Variants in STK10 observed in about 807,000 individuals in gnomAD.
The protein encoded by STK10 is serine/threonine kinase 10.
A neutral mutation model predicts 113.8 loss-of-function variants in STK10; 78 were observed. The ratio of observed to expected loss-of-function variants is 0.69; its 90% CI spans 0.57 to 0.83. The LOEUF (loss-of-function observed/expected upper bound fraction) is 0.83. Among genes scored for constraint, STK10 ranks in the 40% least tolerant of loss-of-function variants. The probability of loss-of-function intolerance (pLI) is 0.00; values close to 1 mark genes in which losing one functional copy is unlikely to be tolerated. For synonymous variants in STK10, 465 were observed against 494.7 expected (o/e 0.94, Z 0.80); for missense variants, 1,109 against 1,280.1 (o/e 0.87, Z 2.04).
chr5:172,176,628 T>C (rs115051581), intron 1 of STK10, among the ~76,000 whole-genome samples: 3,629 of 152,286 alleles, frequency 0.024, 141 homozygotes, highest in African/African-American at 0.083. Context: ...CCTTCTCTAA[T>C]GTTACATGGG....
intron 1 of STK10, among the ~76,000 whole-genome samples, chr5:172,158,017 T>G (rs1037227347): frequency 6.6e-6 from 1 of 152,176 alleles, no homozygotes; most frequent in Admixed American, 6.5e-5. Flanking sequence ...AACTGTTTCG[T>G]AGATGCATGT....
chr5:172,092,194 C>A (rs1402235037), intron 9 of STK10, among the ~76,000 whole-genome samples: 1 of 152,194 alleles, frequency 6.6e-6, no homozygotes, highest in Non-Finnish European at 1.5e-5. Context: ...AAAGGGCACC[C>A]ACAGCCACAG....
intron 1 of STK10, among the ~76,000 whole-genome samples, chr5:172,166,398 C>G (rs534243161): frequency 5.5e-4 from 83 of 152,266 alleles, no homozygotes; most frequent in African/African-American, 1.9e-3. Flanking sequence ...AGATGAGTTC[C>G]CTCTCTCTGG....
At chr5:172,158,930 G>A (rs765215854) in intron 1 of STK10, among the ~76,000 whole-genome samples, 1 of 152,212 alleles carries the variant, frequency 6.6e-6, no homozygotes, top group African/African-American at 2.4e-5. Context: ...AGTTTTTGTA[G>A]AGGATGATGA....
intron 1 of STK10, among the ~76,000 whole-genome samples, chr5:172,159,473 C>T (rs1215591691): frequency 6.6e-6 from 1 of 152,144 alleles, no homozygotes; most frequent in Non-Finnish European, 1.5e-5. Context: ...GCCCAGGAGA[C>T]GGAGGCTGCA....
At chr5:172,081,580 AC>A (rs773651039) in intron 12 of STK10, among the ~76,000 whole-genome samples, 1 of 152,040 alleles carries the variant, frequency 6.6e-6, no homozygotes, top group Admixed American at 6.5e-5. Flanking sequence ...CTGGCCAGGA[AC>A]CCTGGCTCCC....
intron 3 of STK10, among the ~76,000 whole-genome samples, chr5:172,124,076 A>G (rs940794503): frequency 2.6e-5 from 4 of 152,008 alleles, no homozygotes; most frequent in African/African-American, 7.2e-5. Flanking sequence ...ACAGGTGCAA[A>G]CCACTAACGC....
At chr5:172,105,850 T>G in intron 6 of STK10, 113 bp from the exon 7 acceptor site, 1 of 911,558 alleles carries the variant, frequency 1.1e-6, no homozygotes, top group Non-Finnish European at 1.7e-6. Flanking sequence ...GAGGAAACTT[T>G]CACAAGCTAA....
chr5:172,141,982 G>C (rs1199081402), intron 2 of STK10, among the ~76,000 whole-genome samples: 1 of 152,132 alleles, frequency 6.6e-6, no homozygotes, highest in African/African-American at 2.4e-5. Flanking sequence ...AATTTATCAG[G>C]CACCTGCCCT....
At chr5:172,045,555 T>C (rs994267697) in intron 18 of STK10, 1 of 412,440 alleles carries the variant, frequency 2.4e-6, no homozygotes, top group South Asian at 1.8e-5. Flanking sequence ...ATTTTGAAGA[T>C]CTGTGGTGGG....
At chr5:172,121,795 A>G (rs1288697645) in intron 3 of STK10, among the ~76,000 whole-genome samples, 1 of 152,080 alleles carries the variant, frequency 6.6e-6, no homozygotes, top group Non-Finnish European at 1.5e-5. Flanking sequence ...TTGGACTCCT[A>G]GCTGCAAGCA....
chr5:172,169,806 G>C (rs1770633312), intron 1 of STK10, among the ~76,000 whole-genome samples: 1 of 152,110 alleles, frequency 6.6e-6, no homozygotes. Flanking sequence ...GGCAAACTTA[G>C]AAATGAGCAA....
Position 172,056,145 on chromosome 5 carries a change from C to T in STK10, c.2338-369G>A, listed in dbSNP as rs185005357. Among the ~76,000 whole-genome samples the T allele has an allele frequency of 3.8e-3, 573 of 152,270 alleles. 4 individuals are homozygous for T. The highest frequency in any genetic ancestry group is 6.5e-3 in the Non-Finnish European group (439 of 68,010). On this transcript the variant is annotated intron_variant, in intron 15 of 18. Coordinates refer to ENST00000176763, the MANE Select transcript of STK10 (RefSeq NM_005990.4). ...CCTGATAGATTTGAATTTTTTCCTT[C>T]CCCTAACACCTATTTGTATTTCAAA...
chr5:172,168,955 C>T (rs1770617935), intron 1 of STK10, among the ~76,000 whole-genome samples: 1 of 152,154 alleles, frequency 6.6e-6, no homozygotes, highest in Admixed American at 6.5e-5. Context: ...CCTGGCCCAG[C>T]ACTCACACCC....
intron 2 of STK10, 91 bp from the exon 3 acceptor site, chr5:172,127,512 A>G (rs2029523): frequency 0.26 from 351,442 of 1,372,654 alleles, 46,564 homozygotes; most frequent in African/African-American, 0.48. Flanking sequence ...GGGTCCACCC[A>G]TGCCCAATGC....
chr5:172,049,004 G>T (rs1767567021), intron 18 of STK10, among the ~76,000 whole-genome samples: 1 of 152,100 alleles, frequency 6.6e-6, no homozygotes, highest in Middle Eastern at 3.4e-3. Flanking sequence ...CCTCCCTCAG[G>T]TCCTTCAGAT....
rs1767462614 is a variant in STK10 at position 172,044,858 on chromosome 5, G to A, written c.*24C>T. 6.2e-7 allele frequency: 1 copy of A among 1,614,070 alleles called. No individual in the cohort carries two copies. The highest frequency in any genetic ancestry group is 1.1e-5 in the South Asian group (1 of 91,080). On this transcript the variant is annotated 3_prime_UTR_variant, in exon 19 of 19. Coordinates refer to ENST00000176763, the MANE Select transcript of STK10 (RefSeq NM_005990.4). The surrounding 1 kb of genome is among the most constrained non-coding windows in gnomAD (Gnocchi z 4.5). ...AGAAGGCCCTGGGGCCCACCAAGCT[G>A]CCAGCCACAGCCCCGGGCGGTTGTT...
intron 18 of STK10, 69 bp from the exon 19 acceptor site, chr5:172,045,091 G>A: frequency 6.3e-7 from 1 of 1,586,626 alleles, no homozygotes; most frequent in Non-Finnish European, 8.6e-7. Flanking sequence ...CCCACTCACA[G>A]GACCCCCACT....
rs148802151 is a variant in STK10, at chr5:172,111,616, A to T, written c.521-3764T>A. On this transcript the variant is annotated intron_variant, in intron 4 of 18. Coordinates refer to ENST00000176763, the MANE Select transcript of STK10 (RefSeq NM_005990.4). ...GCTGCCCTTGAGCAATTCAAAAGGGATTTTCACCATGCAGTCTCTTCTGAT... is the reference window on the plus strand; with the variant it reads ...GCTGCCCTTGAGCAATTCAAAAGGGTTTTTCACCATGCAGTCTCTTCTGAT... 3.9e-5 allele frequency among the ~76,000 whole-genome samples: 6 copies of T among 152,200 alleles called. No individual in the cohort carries two copies. The East Asian group carries it at 5.8e-4, about 15-fold the overall frequency.
Sources: allele counts gnomAD v4.1 joint callset (sites outside exome capture counted in the v4.1 genomes callset), GRCh38; gene constraint gnomAD v4.1.1; non-coding constraint Gnocchi (gnomAD v3.1); transcripts MANE v1.5; gene names NCBI Gene and HGNC (gene_info 2026-07-23, HGNC 2026-07-21).